Variants in TUBGCP3 observed in about 807,000 individuals in gnomAD.
TUBGCP3 encodes gamma-tubulin complex component 3.
Under a neutral mutation model 123.1 loss-of-function variants are expected in TUBGCP3, and 50 were observed. That is an observed-to-expected ratio of 0.41 (90% CI 0.32 to 0.51). TUBGCP3 has a LOEUF of 0.51. Ranked by LOEUF, TUBGCP3 falls within the 20% of genes least tolerant of loss-of-function variation. TUBGCP3 has a pLI of 0.36. For synonymous variants in TUBGCP3, 405 were observed against 413.9 expected (o/e 0.98, Z 0.26); for missense variants, 882 against 1,127.0 (o/e 0.78, Z 3.11).
In TUBGCP3 at chr13:112,547,734, G is replaced by A; in HGVS notation, c.1054C>T (p.Gln352Ter). Residue 352 changes from glutamine to a stop codon, truncating the protein, a stop_gained, in exon 10 of 22, where the codon CAG (glutamine) becomes TAG (stop). Transcript: ENST00000261965. LOFTEE classifies it high-confidence loss of function. ...LHSQLQLEDD[Q>*]GVNLGLESSL... ...CTCTCAAGTCCCAAATTCACACCCT[G>A]GTCATCCTCTAGTTGTAGCTAAAAA... The A allele has an allele frequency of 6.6e-7, 1 of 1,512,902 alleles. No homozygotes were observed. The highest frequency in any genetic ancestry group is 2.3e-5 in the East Asian group (1 of 42,900). The allele number at this position is 1,512,902 out of a possible 1,614,324, so 93.7% of individuals were successfully genotyped here. A position where few individuals can be genotyped will look rare whatever the true frequency, so the allele number is the denominator to read the frequency against.
chr13:112,499,944 T>C (rs548436323), intron 19 of TUBGCP3, among the ~76,000 whole-genome samples: 17 of 152,172 alleles, frequency 1.1e-4, no homozygotes, highest in African/African-American at 3.9e-4. Flanking sequence ...ACCATCTATA[T>C]ACCCAAGGCC....
intron 1 of TUBGCP3, among the ~76,000 whole-genome samples, chr13:112,574,028 TCA>T (rs1429658606): frequency 6.6e-6 from 1 of 150,882 alleles, no homozygotes; most frequent in African/African-American, 2.4e-5. Context: ...CACTCTGAGC[TCA>T]CAGTGTGGCT....
At chr13:112,556,914 G>A (rs1019292454) in intron 5 of TUBGCP3, among the ~76,000 whole-genome samples, 1 of 152,152 alleles carries the variant, frequency 6.6e-6, no homozygotes, top group Non-Finnish European at 1.5e-5. Context: ...CACTTCCTGG[G>A]ACTACAAAAC....
At chr13:112,522,282 T>C (rs1876691131) in intron 14 of TUBGCP3, 38 bp downstream of exon 14, 2 of 1,430,620 alleles carry the variant, frequency 1.4e-6, no homozygotes, top group South Asian at 1.6e-5. Context: ...TCATGTCAAA[T>C]ATATTACTTA....
the TUBGCP3 span, among the ~76,000 whole-genome samples, chr13:112,601,952 C>T: frequency 3.3e-5 from 5 of 152,186 alleles, no homozygotes; most frequent in Admixed American, 1.3e-4. Flanking sequence ...AAGTTATGAT[C>T]ACTGCACTAT....
At chr13:112,551,111 A>C (rs1879546614) in intron 8 of TUBGCP3, among the ~76,000 whole-genome samples, 1 of 152,160 alleles carries the variant, frequency 6.6e-6, no homozygotes, top group African/African-American at 2.4e-5. Flanking sequence ...CAAAAAAAAA[A>C]CAAAAACAAA....
intron 2 of TUBGCP3, among the ~76,000 whole-genome samples, chr13:112,567,491 T>G (rs912886530): frequency 6.6e-6 from 1 of 152,154 alleles, no homozygotes; most frequent in African/African-American, 2.4e-5. Context: ...GTAAAATGGT[T>G]TAGGGTTCAA....
At chr13:112,491,465 T>G (rs562344292) in intron 20 of TUBGCP3, among the ~76,000 whole-genome samples, 4 of 152,218 alleles carry the variant, frequency 2.6e-5, no homozygotes, top group Admixed American at 2.0e-4. Context: ...CACTGTGCCC[T>G]GCACCTCCCA....
At chr13:112,551,884 G>C (rs1026166688) in intron 8 of TUBGCP3, among the ~76,000 whole-genome samples, 25 of 151,850 alleles carry the variant, frequency 1.6e-4, no homozygotes, top group African/African-American at 5.8e-4. Flanking sequence ...AGGGTGGGAT[G>C]GGGGGGCAGA....
intron 20 of TUBGCP3, among the ~76,000 whole-genome samples, chr13:112,495,939 A>T (rs959881439): frequency 2.6e-5 from 4 of 152,284 alleles, no homozygotes; most frequent in Admixed American, 6.5e-5. Flanking sequence ...TTGGCAAAAA[A>T]TTTTTAAAAA....
At position 112,527,029 on chromosome 13, in the gene TUBGCP3, T is replaced by C. The variant is rs1485817539; in HGVS notation, c.1468A>G (p.Ile490Val). ...SRKVLLIGKS[I>V]NFLHQVCHDQ... ...TGACAAACTTGGTGCAAGAAATTTA[T>C]TGATTTTCCTATCAAAAGGACCTAA... The change falls in exon 13 of 22, where the codon ATA becomes GTA. Residue 490 changes from isoleucine to valine, a missense_variant. Coordinates refer to ENST00000261965, the MANE Select transcript of TUBGCP3 (RefSeq NM_006322.6). The C allele has an allele frequency of 1.2e-6, 2 of 1,614,000 alleles. No homozygotes were observed. The highest frequency in any genetic ancestry group is 1.7e-6 in the Non-Finnish European group (2 of 1,179,982).
chr13:112,565,799 T>G (rs9635118), intron 2 of TUBGCP3, among the ~76,000 whole-genome samples: 23,866 of 151,932 alleles, frequency 0.16, 2,100 homozygotes, highest in Non-Finnish European at 0.21. Context: ...GCTGGGTGTG[T>G]TAGCGGGCAC....
At chr13:112,517,228 G>A (rs538599863) in intron 16 of TUBGCP3, among the ~76,000 whole-genome samples, 1 of 152,172 alleles carries the variant, frequency 6.6e-6, no homozygotes, top group African/African-American at 2.4e-5. Flanking sequence ...ATGTTAGCCA[G>A]GCTGGTCTCG....
intron 11 of TUBGCP3, among the ~76,000 whole-genome samples, chr13:112,531,606 G>A (rs1470594170): frequency 1.3e-5 from 2 of 152,140 alleles, no homozygotes; most frequent in Admixed American, 1.3e-4. Context: ...TTGGAGTACA[G>A]CCGGATTTTT....
Position 112,559,333 on chromosome 13 carries a change from G to T in TUBGCP3, c.319C>A (p.Gln107Lys). 1 of 1,611,660 alleles carries T rather than the reference G, an allele frequency of 6.2e-7. No homozygotes were observed. The highest frequency in any genetic ancestry group is 8.5e-7 in the Non-Finnish European group (1 of 1,178,796). Residue 107 changes from glutamine (Q) to lysine (K), a missense_variant, in exon 4 of 22, where the codon CAG (glutamine) becomes AAG (lysine). This residue lies in a region of TUBGCP3 where 713 missense variants were observed against 874.0 expected (regional missense o/e 0.82). Transcript: ENST00000261965. Reference sequence around the variant, plus strand: ...GCAAAGCCACTTACCTTGCTTGGCTGCCTGCGTGGGTCCTCACTGAGGCTC... The same window carrying T: ...GCAAAGCCACTTACCTTGCTTGGCTTCCTGCGTGGGTCCTCACTGAGGCTC... ...LLSLSEDPRR[Q>K]PSKVSSYATL...
At chr13:112,518,321 C>A (rs1349695005) in intron 16 of TUBGCP3, among the ~76,000 whole-genome samples, 2 of 152,182 alleles carry the variant, frequency 1.3e-5, no homozygotes, top group Non-Finnish European at 2.9e-5. Context: ...CAACAGAATA[C>A]TTTTCCCAAT....
chr13:112,539,301 A>G (rs1201984492), intron 11 of TUBGCP3, among the ~76,000 whole-genome samples: 1 of 152,240 alleles, frequency 6.6e-6, no homozygotes, highest in Non-Finnish European at 1.5e-5. Flanking sequence ...CCTGAAGCCA[A>G]CAGCCAGACC....
intron 4 of TUBGCP3, 129 bp from the exon 5 acceptor site, chr13:112,558,542 A>T (rs1880245777): frequency 1.3e-6 from 1 of 788,154 alleles, no homozygotes; most frequent in African/African-American, 1.7e-5. Flanking sequence ...ATACTTTATT[A>T]AACAATAAAT....
At chr13:112,578,767 G>T (rs1417036814) in intron 1 of TUBGCP3, among the ~76,000 whole-genome samples, 3 of 151,912 alleles carry the variant, frequency 2.0e-5, no homozygotes, top group African/African-American at 7.3e-5. Context: ...TCCATACTTA[G>T]CGATGGCCCC....
Sources: gnomAD v4.1 joint callset for allele counts (sites outside exome capture counted in the v4.1 genomes callset) on GRCh38, gnomAD v4.1.1 for gene constraint, gnomAD v4.1.1 regional missense constraint, MANE v1.5 for transcripts, NCBI Gene and HGNC (gene_info 2026-07-23, HGNC 2026-07-21) for gene names.